The following ADAM19 variants were observed in gnomAD, a reference collection of about 807,000 sequenced individuals.
ADAM19 encodes disintegrin and metalloproteinase domain-containing protein 19.
A neutral mutation model predicts 114.7 loss-of-function variants in ADAM19; 65 were observed. That is an observed-to-expected ratio of 0.57 (90% confidence interval 0.46 to 0.70). The LOEUF (loss-of-function observed/expected upper bound fraction) is 0.70. Among genes scored for constraint, ADAM19 ranks in the 30% least tolerant of loss-of-function variants. ADAM19 has a pLI of 0.00. For missense variants in ADAM19, 1,063 were observed against 1,204.7 expected (o/e 0.88, Z 1.74); for synonymous variants, 466 against 460.5 (o/e 1.01, Z -0.15).
rs571648171 is a variant in ADAM19, at chr5:157,499,677, G to A, written c.1309-15C>T. 3.2e-6 allele frequency: 5 copies of A among 1,585,528 alleles called. No individual in the cohort carries two copies. Among genetic ancestry groups the A allele is most frequent in the Non-Finnish European group, 2.6e-6 (3 of 1,162,226 alleles). On this transcript the variant is annotated splice_polypyrimidine_tract_variant and intron_variant, in intron 12 of 22. Coordinates refer to ENST00000257527, the MANE Select transcript of ADAM19 (RefSeq NM_033274.5). ...TTGTTACATTCCTGGGGAGGCAGTG[G>A]GGTGGGTGTGAGTGGGGGAGGGCCT...
At chr5:157,504,886 G>A (rs979761800) in intron 11 of ADAM19, among the ~76,000 whole-genome samples, 24 of 151,850 alleles carry the variant, frequency 1.6e-4, no homozygotes, top group African/African-American at 5.3e-4. Context: ...TTGGGAGGCC[G>A]AGGCGGGTGG....
At chr5:157,481,143 G>T in intron 22 of ADAM19, 141 bp from the exon 23 acceptor site, 1 of 1,104,416 alleles carries the variant, frequency 9.1e-7, no homozygotes, top group Non-Finnish European at 1.3e-6. Context: ...GTCCATCCAT[G>T]TGTCCACTCA....
chr5:157,544,725 T>C (rs2113771531), intron 3 of ADAM19, among the ~76,000 whole-genome samples: 1 of 152,284 alleles, frequency 6.6e-6, no homozygotes, highest in Middle Eastern at 3.4e-3. Flanking sequence ...ATAAGAACAG[T>C]TCGGGGAAAT....
rs1043910252 is a variant in ADAM19 at position 157,481,512 on chromosome 5, C to T, written c.2703+279G>A. 5.2e-6 allele frequency: 6 copies of T among 1,155,284 alleles called. No individual in the cohort carries two copies. The African/African-American group carries it at 7.8e-5, about 15-fold the overall frequency. The allele number at this position is 1,155,284 out of a possible 1,614,324, so 71.6% of individuals were successfully genotyped here. ...GCCTCTGTACAAATGAGGAAACAGA[C>T]TCAAGAGGGACTTGCTCAGGGTCCC... On this transcript the variant is annotated intron_variant, in intron 22 of 22. Coordinates refer to ENST00000257527, the MANE Select transcript of ADAM19 (RefSeq NM_033274.5).
chr5:157,506,496 G>A (rs1458429527), intron 10 of ADAM19, among the ~76,000 whole-genome samples: 2 of 152,214 alleles, frequency 1.3e-5, no homozygotes, highest in East Asian at 3.8e-4. Flanking sequence ...AGACCCTAGA[G>A]CCTGTGGTTT....
chr5:157,532,978 C>A (rs1041202819), intron 4 of ADAM19, among the ~76,000 whole-genome samples: 3 of 152,070 alleles, frequency 2.0e-5, no homozygotes, highest in Non-Finnish European at 2.9e-5. Context: ...GAGTGGCAGG[C>A]GATAAACATC....
chr5:157,506,522 T>C (rs904794405), intron 10 of ADAM19, among the ~76,000 whole-genome samples: 5 of 152,222 alleles, frequency 3.3e-5, no homozygotes, highest in African/African-American at 7.2e-5. Context: ...ATTATGCTAC[T>C]TTGTCGATAA....
chr5:157,497,482 C>T (rs1755401054), intron 13 of ADAM19, among the ~76,000 whole-genome samples: 1 of 152,116 alleles, frequency 6.6e-6, no homozygotes, highest in South Asian at 2.1e-4. Context: ...ATTATCCCTT[C>T]TGCAGATGAT....
intron 12 of ADAM19, among the ~76,000 whole-genome samples, chr5:157,500,242 T>G (rs1160066539): frequency 1.3e-5 from 2 of 152,202 alleles, no homozygotes; most frequent in South Asian, 4.2e-4. Context: ...GTTCAAGCAA[T>G]TCTCATGCCA....
intron 7 of ADAM19, among the ~76,000 whole-genome samples, chr5:157,517,606 T>G (rs776392189): frequency 3.3e-5 from 5 of 152,212 alleles, no homozygotes; most frequent in Admixed American, 2.0e-4. Flanking sequence ...CTCCTAATGG[T>G]CCATCTTAGT....
chr5:157,513,257 T>C (rs902779194), intron 8 of ADAM19, among the ~76,000 whole-genome samples, 177 bp downstream of exon 8: 1 of 152,192 alleles, frequency 6.6e-6, no homozygotes, highest in Non-Finnish European at 1.5e-5. Flanking sequence ...GAAAATGAGT[T>C]ACTTGCCTAA....
At chr5:157,513,346 G>T in intron 8 of ADAM19, 88 bp downstream of exon 8, 1 of 1,317,794 alleles carries the variant, frequency 7.6e-7, no homozygotes, top group Non-Finnish European at 1.1e-6. Flanking sequence ...AGATGGCTGG[G>T]GCAGCCAATC....
intron 8 of ADAM19, among the ~76,000 whole-genome samples, chr5:157,513,148 G>C (rs539774597): frequency 7.3e-5 from 11 of 149,914 alleles, no homozygotes; most frequent in Non-Finnish European, 1.2e-4. Flanking sequence ...ATTCCACCAG[G>C]AAAATAAAAA....
chr5:157,526,173 T>TACAC (rs35119605), intron 5 of ADAM19, among the ~76,000 whole-genome samples: 175 of 109,300 alleles, frequency 1.6e-3, no homozygotes, highest in Middle Eastern at 4.8e-3. Flanking sequence ...TATATATATA[T>TACAC]ACACACACAC....
intron 3 of ADAM19, among the ~76,000 whole-genome samples, chr5:157,557,956 G>A (rs905685653): frequency 6.6e-6 from 1 of 152,176 alleles, no homozygotes; most frequent in Non-Finnish European, 1.5e-5. Context: ...GGGGTTGAGA[G>A]TTTGGCTTAT....
chr5:157,547,296 C>CA (rs1013157947), intron 3 of ADAM19, among the ~76,000 whole-genome samples: 1 of 152,210 alleles, frequency 6.6e-6, no homozygotes, highest in African/African-American at 2.4e-5. Flanking sequence ...CAGGGACAGA[C>CA]ACCACCATTG....
Position 157,477,420 on chromosome 5 carries a change from T to A in ADAM19, c.*3529A>T. 1 of 1,022,632 alleles carries A rather than the reference T, an allele frequency of 9.8e-7. No homozygotes were observed. The allele number at this position is 1,022,632 out of a possible 1,614,324, so 63.3% of individuals were successfully genotyped here. A position where few individuals can be genotyped will look rare whatever the true frequency, so the allele number is the denominator to read the frequency against. On this transcript the variant is annotated 3_prime_UTR_variant, in exon 23 of 23. Coordinates refer to ENST00000257527, the MANE Select transcript of ADAM19 (RefSeq NM_033274.5). Reference sequence around the variant, plus strand: ...ACAAATATTGTAAACAATTAATAGGTGGACAAGAGAGAAGAAGATCTGTTT... The same window carrying A: ...ACAAATATTGTAAACAATTAATAGGAGGACAAGAGAGAAGAAGATCTGTTT...
In ADAM19 at chr5:157,478,672, T is replaced by C. The variant is rs895479723; in HGVS notation, c.*2277A>G. The stretch of plus-strand genomic sequence containing the variant: ...GCCAGGAGTGAAGCATTAGTAGAAC[T>C]GGTTGCCGAAAGTCTATCAAATTCC... On this transcript the variant is annotated 3_prime_UTR_variant, in exon 23 of 23. Coordinates refer to ENST00000257527, the MANE Select transcript of ADAM19 (RefSeq NM_033274.5). The C allele has an allele frequency of 6.1e-6, 6 of 985,780 alleles. No homozygotes were observed. The African/African-American group carries it at 1.0e-4, about 17-fold the overall frequency. The allele number at this position is 985,780 out of a possible 1,614,324, so 61.1% of individuals were successfully genotyped here. A position where few individuals can be genotyped will look rare whatever the true frequency, so the allele number is the denominator to read the frequency against.
At chr5:157,510,200 C>T (rs963142280) in intron 8 of ADAM19, among the ~76,000 whole-genome samples, 6 of 152,312 alleles carry the variant, frequency 3.9e-5, no homozygotes, top group African/African-American at 1.2e-4. Flanking sequence ...ACCAGCCAAG[C>T]GTGGTGGCTC....
Sources: gnomAD v4.1 joint callset for allele counts (sites outside exome capture counted in the v4.1 genomes callset) on GRCh38, gnomAD v4.1.1 for gene constraint, MANE v1.5 for transcripts, NCBI Gene and HGNC (gene_info 2026-07-23, HGNC 2026-07-21) for gene names.